Variants in CYP4A11 observed in about 807,000 individuals in gnomAD.
CYP4A11 encodes cytochrome P450 family 4 subfamily A member 11.
In CYP4A11, 52 loss-of-function variants were observed where a neutral mutation model predicts 57.7. That is an observed-to-expected ratio of 0.90 (90% CI 0.72 to 1.14). The LOEUF (loss-of-function observed/expected upper bound fraction) is 1.14, where lower values mean the gene tolerates loss of function less well. Ranked by LOEUF, CYP4A11 falls within the 50% of genes most tolerant of loss-of-function variation. The pLI is 0.00. For synonymous variants in CYP4A11, 228 were observed against 247.1 expected, an observed-to-expected ratio of 0.92 and a Z score of 0.72; for missense variants, 641 against 642.1, an observed-to-expected ratio of 1.00 and a Z score of 0.02.
chr1:46,935,133 C>A lies in CYP4A11; in HGVS notation c.657G>T (p.Gln219His). The change falls in exon 6 of 12, where the codon CAG becomes CAT. Residue 219 changes from glutamine to histidine, a missense_variant. Physicochemically the swap from Gln to His is conservative, Grantham distance 24 (BLOSUM62 0). Coordinates refer to ENST00000310638, the MANE Select transcript of CYP4A11 (RefSeq NM_000778.4). ...CCAGGTTGTTCAGGTCACTAATGGC[C>A]TGTATGTAGGACTGAGAATTCCTGA... ...QVDRNSQSYI[Q>H]AISDLNNLVF... 1 of 1,614,122 alleles carries A rather than the reference C, an allele frequency of 6.2e-7. No homozygotes were observed. The highest frequency in any genetic ancestry group is 1.1e-5 in the South Asian group (1 of 91,084).
At chr1:46,940,967 C>G in intron 1 of CYP4A11, 7 of 985,396 alleles carry the variant, frequency 7.1e-6, no homozygotes, top group Non-Finnish European at 8.4e-6. Flanking sequence ...GACAATCAGG[C>G]ATTGCCCTCC....
intron 11 of CYP4A11, among the ~76,000 whole-genome samples, chr1:46,931,178 A>C (rs1371528130): frequency 3.3e-5 from 5 of 152,176 alleles, no homozygotes; most frequent in African/African-American, 7.2e-5. Context: ...GAGATGGCTC[A>C]GAATGTCCTC....
chr1:46,936,897 G>T, intron 3 of CYP4A11, 106 bp from the exon 4 acceptor site: 4 of 1,469,864 alleles, frequency 2.7e-6, no homozygotes, highest in Admixed American at 2.5e-5. Context: ...AGGGAGAAAG[G>T]TGGCTTCTCA....
chr1:46,934,417 T>C (rs752137385), intron 7 of CYP4A11, 36 bp downstream of exon 7: 34 of 1,599,656 alleles, frequency 2.1e-5, no homozygotes, highest in South Asian at 4.5e-5. Flanking sequence ...TATGTACTTC[T>C]GGGCAAAGAC....
chr1:46,933,836 G>A, intron 9 of CYP4A11, 110 bp downstream of exon 9: 1 of 1,478,974 alleles, frequency 6.8e-7, no homozygotes, highest in South Asian at 1.4e-5. Flanking sequence ...GATTTTTTTA[G>A]AACAAAAGGG....
chr1:46,938,273 A>G, intron 1 of CYP4A11, 136 bp from the exon 2 acceptor site: 2 of 1,289,752 alleles, frequency 1.6e-6, no homozygotes, highest in Non-Finnish European at 2.2e-6. Flanking sequence ...CTGAGCTGTG[A>G]TCCAGATTCT....
At position 46,936,647 on chromosome 1, in the gene CYP4A11, G is replaced by A. The variant is rs761022054; in HGVS notation, c.510+17C>T. 2 of 1,573,110 alleles carry A rather than the reference G, an allele frequency of 1.3e-6. No individual in the cohort carries two copies. Among genetic ancestry groups the A allele is most frequent in the Non-Finnish European group, 1.7e-6 (2 of 1,157,836 alleles). On this transcript the variant is annotated intron_variant, in intron 4 of 11. Transcript: ENST00000310638. ...GCTGTGAGTGGGTGTGGGGAGAGGA[G>A]AGAGACATGGACTCACCAGCATCAC... is the stretch of plus-strand genomic sequence containing the variant.
In CYP4A11 at chr1:46,934,944, G is replaced by A. The variant is rs900493627; in HGVS notation, c.790+56C>T. On this transcript the variant is annotated intron_variant, in intron 6 of 11. Transcript: ENST00000310638. ...GGCCTTCTCTGGCTGAGGAGTCAGG[G>A]CAAGTTCTTTCGCTGTGCCTGGGAA... 9 of 1,591,000 alleles carry A rather than the reference G, an allele frequency of 5.7e-6. No homozygotes were observed. In the African/African-American group the frequency reaches 8.1e-5, roughly 14 times the overall value.
chr1:46,935,697 C>T (rs1681344990), intron 4 of CYP4A11, 50 bp from the exon 5 acceptor site: 1 of 1,583,058 alleles, frequency 6.3e-7, no homozygotes, highest in Non-Finnish European at 8.6e-7. Flanking sequence ...AAGTGCTTTG[C>T]TAATAAGGCC....
At chr1:46,938,626 A>T (rs1450381179) in intron 1 of CYP4A11, among the ~76,000 whole-genome samples, 1 of 152,228 alleles carries the variant, frequency 6.6e-6, no homozygotes, top group Non-Finnish European at 1.5e-5. Context: ...GGTAAGCAAA[A>T]AAAGATTAAC....
Position 46,941,331 on chromosome 1 carries a change from C to T in CYP4A11, c.103G>A (p.Val35Ile), listed in dbSNP as rs762154121. Residue 35 changes from valine (V) to isoleucine (I), a missense_variant, in exon 1 of 12, where the codon GTT becomes ATT. Physicochemically the swap from Val to Ile is conservative, Grantham distance 29. Transcript: ENST00000310638. ...LILLLLLIKA[V>I]QLYLHRQWLL... ...CACTGCCTGTGCAGGTAGAGCTGAACTGCCTTGATCAGCAGCAGAAGCAGA... is the reference window on the plus strand; with the variant it reads ...CACTGCCTGTGCAGGTAGAGCTGAATTGCCTTGATCAGCAGCAGAAGCAGA... 4 of 1,614,080 alleles carry T rather than the reference C, an allele frequency of 2.5e-6. No homozygotes were observed. Among genetic ancestry groups the T allele is most frequent in the Non-Finnish European group, 3.4e-6 (4 of 1,180,052 alleles).
chr1:46,935,129 T>A lies in CYP4A11; in HGVS notation c.661A>T (p.Ile221Phe). ...AAAACCAGGTTGTTCAGGTCACTAA[T>A]GGCCTGTATGTAGGACTGAGAATTC... ...DRNSQSYIQA[I>F]SDLNNLVFSR... The change falls in exon 6 of 12, where the codon ATT (isoleucine) becomes TTT (phenylalanine). Residue 221 changes from isoleucine to phenylalanine, a missense_variant. Coordinates refer to ENST00000310638, the MANE Select transcript of CYP4A11 (RefSeq NM_000778.4). The A allele has an allele frequency of 6.2e-7, 1 of 1,614,156 alleles. No homozygotes were observed. The highest frequency in any genetic ancestry group is 8.5e-7 in the Non-Finnish European group (1 of 1,180,028).
intron 9 of CYP4A11, 166 bp downstream of exon 9, chr1:46,933,780 A>G (rs1220704963): frequency 1.3e-5 from 16 of 1,237,028 alleles, no homozygotes; most frequent in Admixed American, 2.9e-5. Flanking sequence ...TCAAGCTCTC[A>G]GCCAGACTTT....
At position 46,934,893 on chromosome 1, in the gene CYP4A11, G is replaced by T; in HGVS notation, c.790+107C>A. The T allele has an allele frequency of 2.0e-6, 3 of 1,523,484 alleles. No homozygotes were observed. In the South Asian group the frequency reaches 3.9e-5, roughly 20 times the overall value. 94.4% of individuals were successfully genotyped at this position (1,523,484 alleles called of 1,614,324 possible). ...CAAGGGAATTCCCCAGGCTGAGTGT[G>T]TTCTGCGTTCTGCAGGGTTACTAGG... On this transcript the variant is annotated intron_variant, in intron 6 of 11. Coordinates refer to ENST00000310638, the MANE Select transcript of CYP4A11 (RefSeq NM_000778.4).
chr1:46,930,367 A>G, intron 11 of CYP4A11, 57 bp from the exon 12 acceptor site: 1 of 1,552,356 alleles, frequency 6.4e-7, no homozygotes, highest in Non-Finnish European at 8.7e-7. Flanking sequence ...TTCTGATCTG[A>G]GCAGGTTTTG....
intron 1 of CYP4A11, among the ~76,000 whole-genome samples, chr1:46,939,604 C>G (rs1681626872): frequency 6.6e-6 from 1 of 152,162 alleles, no homozygotes; most frequent in Non-Finnish European, 1.5e-5. Flanking sequence ...CACTGCAGAA[C>G]AATAACTGAG....
chr1:46,933,466 T>A (rs1681162949), intron 9 of CYP4A11, among the ~76,000 whole-genome samples: 1 of 152,216 alleles, frequency 6.6e-6, no homozygotes, highest in Non-Finnish European at 1.5e-5. Context: ...TTCACACAAC[T>A]AGGTTATGGC....
intron 11 of CYP4A11, chr1:46,932,450 T>C: frequency 8.4e-7 from 1 of 1,192,962 alleles, no homozygotes; most frequent in Non-Finnish European, 1.0e-6. Flanking sequence ...GAATATCTAA[T>C]TTTGAGAATT....
In CYP4A11 at chr1:46,933,055, G is replaced by T. The variant is rs1215935450; in HGVS notation, c.1223-8C>A. On this transcript the variant is annotated splice_region_variant and splice_polypyrimidine_tract_variant and intron_variant, in intron 9 of 11. Coordinates refer to ENST00000310638, the MANE Select transcript of CYP4A11 (RefSeq NM_000778.4). Reference sequence around the variant, plus strand: ...AGAGGAGGACCATGATACCTGTGGTGCAGGTTGGAAACAGAGAGAAGACCA... The same window carrying T: ...AGAGGAGGACCATGATACCTGTGGTTCAGGTTGGAAACAGAGAGAAGACCA... 6.2e-7 allele frequency: 1 copy of T among 1,614,138 alleles called. No individual in the cohort carries two copies. Among genetic ancestry groups the T allele is most frequent in the Non-Finnish European group, 8.5e-7 (1 of 1,180,002 alleles).
Sources: gnomAD v4.1 joint callset for allele counts (sites outside exome capture counted in the v4.1 genomes callset) on GRCh38, gnomAD v4.1.1 for gene constraint, MANE v1.5 for transcripts, NCBI Gene and HGNC (gene_info 2026-07-23, HGNC 2026-07-21) for gene names.